The following PRRG2 variants were observed in gnomAD, a reference collection of about 807,000 sequenced individuals.
PRRG2 encodes transmembrane gamma-carboxyglutamic acid protein 2.
A neutral mutation model predicts 27.1 loss-of-function variants in PRRG2; 23 were observed. The ratio of observed to expected loss-of-function variants is 0.85; its 90% CI spans 0.61 to 1.20. The LOEUF is 1.20. Ranked by LOEUF, PRRG2 falls within the 50% of genes most tolerant of loss-of-function variation. The pLI, the probability that PRRG2 is intolerant of heterozygous loss-of-function variation, is 0.00. For missense variants in PRRG2, 276 were observed against 254.8 expected, an observed-to-expected ratio of 1.08 and a Z score of -0.57; for synonymous variants, 104 against 103.4, an observed-to-expected ratio of 1.01 and a Z score of -0.03.
At position 49,588,585 on chromosome 19, in the gene PRRG2, G is replaced by A. The variant is rs771918748; in HGVS notation, c.390G>A (p.Trp130Ter). The A allele has an allele frequency of 2.6e-6, 4 of 1,554,040 alleles. No homozygotes were observed. In the East Asian group the frequency reaches 7.2e-5, roughly 28 times the overall value. Residue 130 changes from tryptophan to a stop codon, truncating the protein, a stop_gained, in exon 5 of 7, where the codon TGG (tryptophan) becomes TGA (stop). Coordinates refer to ENST00000246794, the MANE Select transcript of PRRG2 (RefSeq NM_000951.3). LOFTEE classifies it high-confidence loss of function. Reference protein sequence around the residue: ...LIVLAGLGAFWYLRWRQHRGQ... With the variant: ...LIVLAGLGAF ...TCCTGGCCGGCCTGGGAGCCTTTTG[G>A]TATCTGCGCTGGCGACAGCACCGAG...
chr19:49,590,534 G>A lies in PRRG2; in HGVS notation c.*145G>A. 8.6e-7 allele frequency: 1 copy of A among 1,164,658 alleles called. No homozygotes were observed. The highest frequency in any genetic ancestry group is 2.2e-5 in the Admixed American group (1 of 45,614). 72.1% of individuals were successfully genotyped at this position (1,164,658 alleles called of 1,614,324 possible). On this transcript the variant is annotated 3_prime_UTR_variant, in exon 7 of 7. Coordinates refer to ENST00000246794, the MANE Select transcript of PRRG2 (RefSeq NM_000951.3). Reference sequence around the variant, plus strand: ...GGTCATCCGGCCCGAGGCCTGCCCTGGCACACGCGTTTCCGCCGCGTATGG... The same window carrying A: ...GGTCATCCGGCCCGAGGCCTGCCCTAGCACACGCGTTTCCGCCGCGTATGG...
intron 4 of PRRG2, among the ~76,000 whole-genome samples, chr19:49,584,942 G>T (rs983170179): frequency 6.6e-6 from 1 of 152,174 alleles, no homozygotes; most frequent in Admixed American, 6.5e-5. Context: ...TGGGGACACA[G>T]CCCTCTAGCA....
chr19:49,588,560 T>A lies in PRRG2; in HGVS notation c.365T>A (p.Val122Asp). ...VGLTGGILLI[V>D]LAGLGAFWYL... ...CTGACAGGTGGCATCCTGCTCATTG[T>A]CCTGGCCGGCCTGGGAGCCTTTTGG... Residue 122 changes from valine (V) to aspartate (D), a missense_variant, in exon 5 of 7, where the codon GTC (valine) becomes GAC (aspartate). Coordinates refer to ENST00000246794, the MANE Select transcript of PRRG2 (RefSeq NM_000951.3). The A allele has an allele frequency of 6.4e-7, 1 of 1,567,010 alleles. No individual in the cohort carries two copies. Among genetic ancestry groups the A allele is most frequent in the Non-Finnish European group, 8.7e-7 (1 of 1,156,006 alleles).
intron 4 of PRRG2, among the ~76,000 whole-genome samples, chr19:49,586,668 T>C (rs1218939883): frequency 1.3e-5 from 2 of 151,984 alleles, no homozygotes; most frequent in Non-Finnish European, 2.9e-5. Context: ...CTGGCCAACA[T>C]AGTGAAACCC....
intron 4 of PRRG2, 82 bp downstream of exon 4, chr19:49,584,034 C>T (rs2080649966): frequency 7.2e-7 from 1 of 1,389,360 alleles, no homozygotes; most frequent in African/African-American, 1.4e-5. Flanking sequence ...GTCCTCCACC[C>T]CAAATTAGGT....
Position 49,583,703 on chromosome 19 carries a change from G to A in PRRG2, c.247G>A (p.Asp83Asn), listed in dbSNP as rs2080646692. ...SWEEAREYFE[D>N]NTLTERFWES... The stretch of plus-strand genomic sequence containing the variant: ...GGAAGAGGCCAGGGAGTATTTTGAG[G>A]ACAACACTCTCACGGTGAGGGCCTC... Residue 83 changes from aspartate to asparagine, a missense_variant, in exon 3 of 7, where the codon GAC becomes AAC. By Grantham distance (23) the Asp-to-Asn change is conservative. Coordinates refer to ENST00000246794, the MANE Select transcript of PRRG2 (RefSeq NM_000951.3). The A allele has an allele frequency of 6.2e-7, 1 of 1,613,926 alleles. No individual in the cohort carries two copies. The highest frequency in any genetic ancestry group is 1.3e-5 in the African/African-American group (1 of 74,912).
At chr19:49,582,663 C>A (rs570838628) in intron 1 of PRRG2, among the ~76,000 whole-genome samples, 32 of 151,842 alleles carry the variant, frequency 2.1e-4, no homozygotes, top group African/African-American at 7.7e-4. Flanking sequence ...GTCAGGAGAT[C>A]GAGACCATCC....
rs1046253706 is a variant in PRRG2 at position 49,587,774 on chromosome 19, C to T, written c.302-723C>T. ...TGCTGGGATTACAGGCGTGAGCCAC[C>T]GCGCCTGGCTAATTTTGTAATTTTT... is the stretch of plus-strand genomic sequence containing the variant. On this transcript the variant is annotated intron_variant, in intron 4 of 6. Transcript: ENST00000246794. 2.6e-5 allele frequency among the ~76,000 whole-genome samples: 4 copies of T among 151,452 alleles called. No homozygotes were observed. The South Asian group carries it at 8.4e-4, about 32-fold the overall frequency.
chr19:49,583,828 A>C (rs2080647928), intron 3 of PRRG2, 85 bp from the exon 4 acceptor site: 2 of 1,603,798 alleles, frequency 1.2e-6, no homozygotes, highest in Non-Finnish European at 1.7e-6. Context: ...GTGTCTCAGA[A>C]ATCAGGATGG....
intron 4 of PRRG2, among the ~76,000 whole-genome samples, chr19:49,586,144 C>T (rs1473599563): frequency 2.7e-5 from 4 of 150,518 alleles, no homozygotes; most frequent in Non-Finnish European, 5.9e-5. Flanking sequence ...TGCAGTGGCA[C>T]GATGACGACT....
chr19:49,588,784 C>A, intron 5 of PRRG2, 152 bp downstream of exon 5: 1 of 1,112,532 alleles, frequency 9.0e-7, no homozygotes, highest in Non-Finnish European at 1.2e-6. Context: ...TGTGAGCTGG[C>A]TTGTGTCTGG....
In PRRG2 at chr19:49,590,635, GCACTGGT is replaced by G; in HGVS notation, c.*249_*255del. On this transcript the variant is annotated 3_prime_UTR_variant, in exon 7 of 7. Coordinates refer to ENST00000246794, the MANE Select transcript of PRRG2 (RefSeq NM_000951.3). ...CCCCCACACTCTCCTGACCGTGAGG[GCACTGGT>G]CAGTTCCGCCCCCGTGGTAGGCAGA... The G allele has an allele frequency of 1.7e-6, 1 of 580,762 alleles. No individual in the cohort carries two copies. The highest frequency in any genetic ancestry group is 3.0e-5 in the East Asian group (1 of 33,774). The allele number at this position is 580,762 out of a possible 1,614,324, so 36.0% of individuals were successfully genotyped here.
At chr19:49,582,458 G>T (rs1336082478) in intron 1 of PRRG2, among the ~76,000 whole-genome samples, 2 of 151,616 alleles carry the variant, frequency 1.3e-5, no homozygotes, top group African/African-American at 4.8e-5. Context: ...TATGACTCCT[G>T]TGAAAAGTAA....
Position 49,588,690 on chromosome 19 carries a change from T to G in PRRG2, c.437+58T>G, listed in dbSNP as rs550433676. 2.7e-6 allele frequency: 4 copies of G among 1,489,402 alleles called. No homozygotes were observed. The East Asian group carries it at 1.0e-4, about 37-fold the overall frequency. The allele number at this position is 1,489,402 out of a possible 1,614,324, so 92.3% of individuals were successfully genotyped here. A position where few individuals can be genotyped will look rare whatever the true frequency, so the allele number is the denominator to read the frequency against. On this transcript the variant is annotated intron_variant, in intron 5 of 6. Coordinates refer to ENST00000246794, the MANE Select transcript of PRRG2 (RefSeq NM_000951.3). ...TGGAGAGCAGGGGAGGGAGGAAGCA[T>G]TGACCTAAAGGGATGTGCTAAGGAT...
intron 4 of PRRG2, among the ~76,000 whole-genome samples, chr19:49,587,086 G>C (rs1423490961): frequency 2.6e-5 from 4 of 151,764 alleles, no homozygotes; most frequent in African/African-American, 4.8e-5. Flanking sequence ...GAACCCTGGA[G>C]ACCAAGTGGC....
chr19:49,585,423 C>T (rs1019038695), intron 4 of PRRG2, among the ~76,000 whole-genome samples: 10 of 152,202 alleles, frequency 6.6e-5, no homozygotes, highest in African/African-American at 2.4e-4. Context: ...CTCCTCGAAT[C>T]TACCTGAAGG....
chr19:49,583,470 T>C (rs2080643774), intron 2 of PRRG2, 72 bp from the exon 3 acceptor site: 2 of 1,564,012 alleles, frequency 1.3e-6, no homozygotes, highest in Admixed American at 3.6e-5. Flanking sequence ...AGGACCCCAC[T>C]GCTTTCCATC....
chr19:49,588,209 C>T (rs952502912), intron 4 of PRRG2, among the ~76,000 whole-genome samples: 18 of 152,278 alleles, frequency 1.2e-4, no homozygotes, highest in African/African-American at 4.1e-4. Context: ...AACGATCCAC[C>T]TGCCTAGGCC....
At chr19:49,583,017 C>T (rs1184813736) in intron 1 of PRRG2, among the ~76,000 whole-genome samples, 190 bp from the exon 2 acceptor site, 1 of 150,014 alleles carries the variant, frequency 6.7e-6, no homozygotes, top group Non-Finnish European at 1.5e-5. Flanking sequence ...GCTGACAGAG[C>T]GAGACTCCAT....
Sources: allele counts gnomAD v4.1 joint callset (sites outside exome capture counted in the v4.1 genomes callset), GRCh38; gene constraint gnomAD v4.1.1; transcripts MANE v1.5; gene names NCBI Gene and HGNC (gene_info 2026-07-23, HGNC 2026-07-21).